Variants in PDK1 observed in about 807,000 individuals in gnomAD.
PDK1 encodes the protein [Pyruvate dehydrogenase (acetyl-transferring)] kinase isozyme 1, mitochondrial.
A neutral mutation model predicts 54.2 loss-of-function variants in PDK1; 39 were observed. The observed-to-expected ratio is 0.72, with a 90% confidence interval of 0.56 to 0.94. The LOEUF (loss-of-function observed/expected upper bound fraction) is 0.94. Ranked by LOEUF, PDK1 falls within the 40% of genes least tolerant of loss-of-function variation. The pLI, the probability that PDK1 is intolerant of heterozygous loss-of-function variation, is 0.00. For synonymous variants in PDK1, 221 were observed against 207.1 expected, an observed-to-expected ratio of 1.07 and a Z score of -0.58; for missense variants, 552 against 566.0, an observed-to-expected ratio of 0.98 and a Z score of 0.25.
chr2:172,705,005 A>G, the PDK1 span, among the ~76,000 whole-genome samples: 1 of 152,372 alleles, frequency 6.6e-6, no homozygotes, highest in South Asian at 2.1e-4. Flanking sequence ...CCAGCAAAAA[A>G]GGTGGAAAAC....
the PDK1 span, among the ~76,000 whole-genome samples, chr2:172,681,142 A>G: frequency 6.6e-6 from 1 of 152,202 alleles, no homozygotes; most frequent in Admixed American, 6.5e-5. Flanking sequence ...ACAGTTTGGT[A>G]GCAATCATTT....
the PDK1 span, among the ~76,000 whole-genome samples, chr2:172,675,107 A>C: frequency 2.0e-5 from 3 of 152,164 alleles, no homozygotes; most frequent in East Asian, 3.9e-4. Context: ...TTGATTGATA[A>C]ATGTGTGTGC....
the PDK1 span, among the ~76,000 whole-genome samples, chr2:172,640,327 A>G: frequency 6.6e-6 from 1 of 152,202 alleles, no homozygotes; most frequent in Non-Finnish European, 1.5e-5. Flanking sequence ...GTGTATATTT[A>G]GGTTTGATGT....
At chr2:172,630,632 A>ATTT in the PDK1 span, among the ~76,000 whole-genome samples, 1 of 144,098 alleles carries the variant, frequency 6.9e-6, no homozygotes, top group African/African-American at 2.5e-5. Flanking sequence ...CTCTAATGGA[A>ATTT]TTTTTTTTTT....
intron 6 of PDK1, among the ~76,000 whole-genome samples, chr2:172,568,404 T>G (rs964307305): frequency 6.6e-6 from 1 of 151,942 alleles, no homozygotes; most frequent in Non-Finnish European, 1.5e-5. Flanking sequence ...TTTAAAGATT[T>G]TAACACTTCT....
At position 172,599,829 on chromosome 2, in the gene PDK1, C is replaced by T. The variant is rs1691053813; in HGVS notation, c.*3860C>T. The T allele has an allele frequency of 6.6e-6, 1 of 152,104 alleles. No homozygotes were observed. The highest frequency in any genetic ancestry group is 2.4e-5 in the African/African-American group (1 of 41,412). 9.4% of individuals were successfully genotyped at this position (152,104 alleles called of 1,614,324 possible). A position where few individuals can be genotyped will look rare whatever the true frequency, so the allele number is the denominator to read the frequency against. On this transcript the variant is annotated 3_prime_UTR_variant, in exon 11 of 11. Transcript: ENST00000282077. The stretch of plus-strand genomic sequence containing the variant: ...AAGACAAGATTGTCAGTTTTTGGTG[C>T]AAAACTCTACTCTTTTTGGTTGACT...
chr2:172,622,560 TATGTTTATATCTCATATATTATGTGAG>T, the PDK1 span, among the ~76,000 whole-genome samples: 33 of 143,686 alleles, frequency 2.3e-4, no homozygotes, highest in Non-Finnish European at 4.1e-4. Flanking sequence ...TCATGTGAGA[TATGTTTATATCTCATATATTATGTGAG>T]ATGTTTATAT....
At position 172,596,029 on chromosome 2, in the gene PDK1, G is replaced by A. The variant is rs70937079; in HGVS notation, c.*60G>A. On this transcript the variant is annotated 3_prime_UTR_variant, in exon 11 of 11. Coordinates refer to ENST00000282077, the MANE Select transcript of PDK1 (RefSeq NM_002610.5). ...TTTTGTATTAAATTTGGAAGGTATG[G>A]TGTTCAGAACTATATTATACCAAGT... The A allele has an allele frequency of 4.1e-5, 60 of 1,469,302 alleles. No individual in the cohort carries two copies. In the East Asian group the frequency reaches 4.9e-4, roughly 12 times the overall value. The allele number at this position is 1,469,302 out of a possible 1,614,324, so 91.0% of individuals were successfully genotyped here.
the PDK1 span, among the ~76,000 whole-genome samples, chr2:172,717,481 C>T: frequency 6.6e-6 from 1 of 152,190 alleles, no homozygotes; most frequent in Non-Finnish European, 1.5e-5. Flanking sequence ...AGTTACTACG[C>T]TTCCTATTAA....
rs1045524314 is a variant in PDK1 at position 172,599,795 on chromosome 2, T to G, written c.*3826T>G. On this transcript the variant is annotated 3_prime_UTR_variant, in exon 11 of 11. Transcript: ENST00000282077. The stretch of plus-strand genomic sequence containing the variant: ...TTAGCAATTGCTAACCATAGGTTTT[T>G]AATAGCAAAAGACAAGATTGTCAGT... The G allele has an allele frequency of 1.3e-5, 2 of 152,342 alleles. No individual in the cohort carries two copies. The highest frequency in any genetic ancestry group is 4.8e-5 in the African/African-American group (2 of 41,584). The allele number at this position is 152,342 out of a possible 1,614,324, so 9.4% of individuals were successfully genotyped here. A position where few individuals can be genotyped will look rare whatever the true frequency, so the allele number is the denominator to read the frequency against.
the PDK1 span, among the ~76,000 whole-genome samples, chr2:172,650,714 A>T: frequency 6.6e-6 from 1 of 152,212 alleles, no homozygotes; most frequent in Non-Finnish European, 1.5e-5. Context: ...TAAACCAACA[A>T]AGATCAAAAG....
chr2:172,669,178 G>A, the PDK1 span, among the ~76,000 whole-genome samples: 2 of 147,292 alleles, frequency 1.4e-5, no homozygotes, highest in African/African-American at 5.0e-5. Context: ...TCCTGCCTCA[G>A]CCTCCCAAGT....
chr2:172,680,374 C>CAAGGTCTCACTCT, the PDK1 span, among the ~76,000 whole-genome samples: 1 of 151,960 alleles, frequency 6.6e-6, no homozygotes, highest in Non-Finnish European at 1.5e-5. Flanking sequence ...TAAATAGAGA[C>CAAGGTCTCACTCT]AAGGTCTCAC....
chr2:172,712,368 C>A, the PDK1 span, among the ~76,000 whole-genome samples: 1 of 152,312 alleles, frequency 6.6e-6, no homozygotes, highest in East Asian at 1.9e-4. Flanking sequence ...TTGCTTGGGC[C>A]GCTGGGCTCT....
the PDK1 span, among the ~76,000 whole-genome samples, chr2:172,622,476 ATG>A: frequency 2.0e-3 from 269 of 134,098 alleles, no homozygotes; most frequent in Non-Finnish European, 3.6e-3. Context: ...ATCTCATATT[ATG>A]TGAGATATGT....
the PDK1 span, among the ~76,000 whole-genome samples, chr2:172,702,556 C>G: frequency 6.7e-6 from 1 of 149,568 alleles, no homozygotes; most frequent in Admixed American, 6.7e-5. Flanking sequence ...CTCGCTTACC[C>G]CATTAATCTA....
At chr2:172,694,538 C>T in the PDK1 span, among the ~76,000 whole-genome samples, 46 of 152,278 alleles carry the variant, frequency 3.0e-4, no homozygotes, top group Middle Eastern at 3.4e-3. Flanking sequence ...CAAGTTTCTT[C>T]CTACATCTCA....
the PDK1 span, among the ~76,000 whole-genome samples, chr2:172,692,165 A>G: frequency 6.6e-6 from 1 of 152,198 alleles, no homozygotes; most frequent in Admixed American, 6.5e-5. Flanking sequence ...GGATAAGTAC[A>G]CAGATTTCCT....
downstream of PDK1, among the ~76,000 whole-genome samples, chr2:172,613,461 C>G (rs1254261677): frequency 6.6e-6 from 1 of 151,896 alleles, no homozygotes; most frequent in Non-Finnish European, 1.5e-5. Flanking sequence ...GCTGCTAATT[C>G]CTTTTTTTTT....
Sources: gnomAD v4.1 joint callset for allele counts (sites outside exome capture counted in the v4.1 genomes callset) on GRCh38, gnomAD v4.1.1 for gene constraint, MANE v1.5 for transcripts, NCBI Gene and HGNC (gene_info 2026-07-23, HGNC 2026-07-21) for gene names.